MYO16: variants seen among roughly 807,000 people sequenced by gnomAD.
MYO16 encodes unconventional myosin-XVI.
In MYO16, 94 loss-of-function variants were observed where a neutral mutation model predicts 205.3. The ratio of observed to expected loss-of-function variants is 0.46; its 90% CI spans 0.39 to 0.54. MYO16 has a LOEUF of 0.54. Ranked by LOEUF, MYO16 falls within the 20% of genes least tolerant of loss-of-function variation. The pLI is 0.00. For synonymous variants in MYO16, 988 were observed against 954.0 expected, an observed-to-expected ratio of 1.04 and a Z score of -0.66; for missense variants, 2,315 against 2,387.5, an observed-to-expected ratio of 0.97 and a Z score of 0.63.
intron 24 of MYO16, chr13:109,048,203 A>G (rs1887113364): frequency 1.9e-6 from 1 of 518,664 alleles, no homozygotes; most frequent in Non-Finnish European, 3.6e-6. Context: ...GTGTGTGTGT[A>G]TTTAGAATGA....
In MYO16 at chr13:108,598,830, G is replaced by T. The variant is rs1878654875; in HGVS notation, c.-39+2591G>T. 2.7e-5 allele frequency among the ~76,000 whole-genome samples: 4 copies of T among 149,368 alleles called. No individual in the cohort carries two copies. The Admixed American group carries it at 2.7e-4, about 10-fold the overall frequency. ...CTGTGGTTTATTTCTCCTTGTGTAG[G>T]TATTCTTTTTCTTTTTTTCTTTTTT... On this transcript the variant is annotated intron_variant, in intron 1 of 24. Transcript: ENST00000251041.
At chr13:108,969,488 C>T (rs1883925119) in intron 20 of MYO16, among the ~76,000 whole-genome samples, 1 of 152,082 alleles carries the variant, frequency 6.6e-6, no homozygotes, top group South Asian at 2.1e-4. Flanking sequence ...TCTTCCATTC[C>T]ACTCTCTTCA....
intron 4 of MYO16, among the ~76,000 whole-genome samples, chr13:108,774,751 A>G (rs927653638): frequency 6.6e-6 from 1 of 152,184 alleles, no homozygotes; most frequent in Non-Finnish European, 1.5e-5. Context: ...TATTATGAAG[A>G]TATTACATGT....
At chr13:108,655,601 T>C (rs1881207970) in intron 1 of MYO16, among the ~76,000 whole-genome samples, 1 of 152,024 alleles carries the variant, frequency 6.6e-6, no homozygotes, top group African/African-American at 2.4e-5. Context: ...CCCAGAATGG[T>C]AGATCCATCG....
chr13:108,694,344 T>C (rs1305431159), intron 2 of MYO16, among the ~76,000 whole-genome samples: 1 of 152,230 alleles, frequency 6.6e-6, no homozygotes, highest in African/African-American at 2.4e-5. Context: ...TTTAATGTTT[T>C]TAATAACTAC....
intron 1 of MYO16, among the ~76,000 whole-genome samples, chr13:108,620,149 G>T (rs1227717245): frequency 6.6e-6 from 1 of 152,114 alleles, no homozygotes; most frequent in Non-Finnish European, 1.5e-5. Context: ...ATGAATCGAT[G>T]CCTATGAAGA....
chr13:109,003,512 A>G (rs772101474), intron 21 of MYO16, among the ~76,000 whole-genome samples: 5 of 152,204 alleles, frequency 3.3e-5, no homozygotes, highest in Non-Finnish European at 7.3e-5. Context: ...TGCTCTATCC[A>G]GAGACACAGG....
chr13:109,199,088 T>C (rs1333110138), intron 34 of MYO16, among the ~76,000 whole-genome samples: 1 of 151,368 alleles, frequency 6.6e-6, no homozygotes, highest in Non-Finnish European at 1.5e-5. Flanking sequence ...TAGGTGCCCA[T>C]CTCACTTCTC....
chr13:109,109,194 C>T (rs1889209355), intron 28 of MYO16, among the ~76,000 whole-genome samples: 1 of 151,608 alleles, frequency 6.6e-6, no homozygotes, highest in African/African-American at 2.4e-5. Flanking sequence ...TATAAATTTC[C>T]CCAACTTCAA....
chr13:109,149,535 A>G (rs140826182), intron 32 of MYO16, among the ~76,000 whole-genome samples: 6 of 152,328 alleles, frequency 3.9e-5, no homozygotes, highest in African/African-American at 1.2e-4. Flanking sequence ...GTCTCTGAAA[A>G]CAATAAAATT....
intron 2 of MYO16, among the ~76,000 whole-genome samples, chr13:108,677,329 GTGTGTGTA>G (rs1214928962): frequency 1.6e-5 from 2 of 125,278 alleles, no homozygotes; most frequent in African/African-American, 6.6e-5. Context: ...GTGTGTGTGT[GTGTGTGTA>G]TATATATATA....
chr13:109,140,743 C>A lies in MYO16; in HGVS notation c.4531C>A (p.Arg1511=), dbSNP rs1228493586. The change falls in exon 32 of 35, where the codon CGG becomes AGG. Residue 1511 remains arginine, a synonymous_variant. Coordinates refer to ENST00000457511, the MANE Select transcript of MYO16 (RefSeq NM_001198950.3). The surrounding 1 kb of genome is among the most constrained non-coding windows in gnomAD (Gnocchi z 8.0). ...GCCCTTCCCCAACCTGCTGCCGCAC[C>A]GGCCGCCCCTGCTGGTGTTCCCCCC... ...PPPFPNLLPH[R]PPLLVFPPTP... 1 of 1,526,044 alleles carries A rather than the reference C, an allele frequency of 6.6e-7. No homozygotes were observed. Among genetic ancestry groups the A allele is most frequent in the South Asian group, 1.2e-5 (1 of 81,404 alleles). 94.5% of individuals were successfully genotyped at this position (1,526,044 alleles called of 1,614,324 possible). A position where few individuals can be genotyped will look rare whatever the true frequency, so the allele number is the denominator to read the frequency against.
intron 2 of MYO16, among the ~76,000 whole-genome samples, chr13:108,699,190 T>C (rs531587807): frequency 3.0e-4 from 45 of 151,534 alleles, no homozygotes; most frequent in Middle Eastern, 3.5e-3. Context: ...CACACATGTA[T>C]ATATAGTTAT....
chr13:108,920,584 G>A (rs370269675), intron 16 of MYO16, among the ~76,000 whole-genome samples: 2 of 151,992 alleles, frequency 1.3e-5, no homozygotes, highest in African/African-American at 2.4e-5. Flanking sequence ...TCAGCCTCCC[G>A]AGTAGCTGGG....
chr13:109,034,384 G>A (rs1886645916), intron 23 of MYO16, among the ~76,000 whole-genome samples: 1 of 152,184 alleles, frequency 6.6e-6, no homozygotes, highest in South Asian at 2.1e-4. Context: ...TCTTGTGACA[G>A]TGAGTTCTAA....
chr13:109,090,094 C>T (rs1888571113), intron 27 of MYO16, among the ~76,000 whole-genome samples: 1 of 152,176 alleles, frequency 6.6e-6, no homozygotes, highest in Non-Finnish European at 1.5e-5. Context: ...ACGATAGCAG[C>T]CTGTTCTCCT....
At chr13:108,923,794 ACACCGTGACTTC>A (rs918439698) in intron 16 of MYO16, among the ~76,000 whole-genome samples, 110 of 152,308 alleles carry the variant, frequency 7.2e-4, no homozygotes, top group African/African-American at 2.5e-3. Flanking sequence ...TGATTCTGCC[ACACCGTGACTTC>A]ATAGTAAACC....
intron 9 of MYO16, among the ~76,000 whole-genome samples, chr13:108,834,244 T>C (rs1876778009): frequency 6.6e-6 from 1 of 152,110 alleles, no homozygotes; most frequent in Non-Finnish European, 1.5e-5. Flanking sequence ...AGGAGGGACT[T>C]TCATCAAGGT....
At chr13:108,583,031 A>G in the MYO16 span, among the ~76,000 whole-genome samples, 4,067 of 152,278 alleles carry the variant, frequency 0.027, 170 homozygotes, top group African/African-American at 0.091. Flanking sequence ...AAGTTTATGA[A>G]TAAATATTAG....
Sources: gnomAD v4.1 joint callset for allele counts (sites outside exome capture counted in the v4.1 genomes callset) on GRCh38, gnomAD v4.1.1 for gene constraint, Gnocchi (gnomAD v3.1) non-coding constraint, MANE v1.5 for transcripts, NCBI Gene and HGNC (gene_info 2026-07-23, HGNC 2026-07-21) for gene names.